Variants in GUSB observed in about 807,000 individuals in gnomAD.
The protein encoded by GUSB is beta-glucuronidase.
Under a neutral mutation model 74.6 loss-of-function variants are expected in GUSB, and 51 were observed. The observed-to-expected ratio is 0.68, with a 90% confidence interval of 0.55 to 0.86. The LOEUF (loss-of-function observed/expected upper bound fraction) is 0.86. Ranked by LOEUF, GUSB falls within the 40% of genes least tolerant of loss-of-function variation. GUSB has a pLI of 0.00. For synonymous variants in GUSB, 360 were observed against 348.3 expected (o/e 1.03, Z -0.37); for missense variants, 736 against 853.7 (o/e 0.86, Z 1.72).
chr7:65,961,812 G>A (rs138277283), intron 11 of GUSB, among the ~76,000 whole-genome samples: 2 of 152,236 alleles, frequency 1.3e-5, no homozygotes, highest in East Asian at 3.9e-4. Context: ...GACCAGCCTG[G>A]ACAATATGGT....
chr7:65,978,069 C>CA (rs2116007893), intron 4 of GUSB, among the ~76,000 whole-genome samples: 1 of 152,128 alleles, frequency 6.6e-6, no homozygotes, highest in Non-Finnish European at 1.5e-5. Context: ...CTTGGCCTCC[C>CA]AAAGTGCTGG....
chr7:65,962,904 G>A (rs1790594174), intron 11 of GUSB, among the ~76,000 whole-genome samples: 1 of 151,752 alleles, frequency 6.6e-6, no homozygotes, highest in South Asian at 2.1e-4. Flanking sequence ...TATTGCTCAA[G>A]CTGGAGTACA....
chr7:65,966,148 C>A (rs143366340), intron 10 of GUSB, among the ~76,000 whole-genome samples: 1 of 150,686 alleles, frequency 6.6e-6, no homozygotes, highest in Non-Finnish European at 1.5e-5. Flanking sequence ...CCAGCCTAGG[C>A]AACGAGAGCG....
intron 8 of GUSB, among the ~76,000 whole-genome samples, chr7:65,973,415 C>T (rs1203961346): frequency 2.0e-5 from 3 of 152,212 alleles, no homozygotes; most frequent in South Asian, 2.1e-4. Flanking sequence ...GGTGAAACCC[C>T]GTCTCTGCTA....
chr7:65,966,608 C>T (rs1209912844), intron 10 of GUSB, among the ~76,000 whole-genome samples: 1 of 152,024 alleles, frequency 6.6e-6, no homozygotes, highest in Non-Finnish European at 1.5e-5. Flanking sequence ...GCCTGATAGA[C>T]TCCATCTTTA....
chr7:65,981,919 C>A, intron 1 of GUSB, 55 bp downstream of exon 1: 1 of 1,484,548 alleles, frequency 6.7e-7, no homozygotes, highest in Non-Finnish European at 9.2e-7. Flanking sequence ...CCCGGGCTCC[C>A]CTACTCCCAC....
At chr7:65,971,404 C>A (rs1791200822) in intron 8 of GUSB, among the ~76,000 whole-genome samples, 1 of 152,122 alleles carries the variant, frequency 6.6e-6, no homozygotes, top group Non-Finnish European at 1.5e-5. Context: ...CCAGCCTGGG[C>A]AACATAGCAA....
chr7:65,980,373 A>G lies in GUSB; in HGVS notation c.247T>C (p.Phe83Leu). ...PTVDMPVPSS[F>L]NDISQDWRLR... ...CGCCAGTCCTGGCTGATGTCATTGA[A>G]GCTGGAGGGAACTGGCATGTCCACG... Residue 83 changes from phenylalanine to leucine, a missense_variant, in exon 2 of 12, where the codon TTC (phenylalanine) becomes CTC (leucine). Coordinates refer to ENST00000304895, the MANE Select transcript of GUSB (RefSeq NM_000181.4). 2 of 1,613,908 alleles carry G rather than the reference A, an allele frequency of 1.2e-6. No homozygotes were observed. Among genetic ancestry groups the G allele is most frequent in the African/African-American group, 1.3e-5 (1 of 75,040 alleles).
At chr7:65,971,450 C>T (rs1270736635) in intron 8 of GUSB, among the ~76,000 whole-genome samples, 1 of 151,842 alleles carries the variant, frequency 6.6e-6, no homozygotes, top group Admixed American at 6.6e-5. Flanking sequence ...AAATTAGGGG[C>T]GGGCATGGTG....
rs1440181779 is a variant in GUSB, at chr7:65,980,562, A to T, written c.211-153T>A. ...CAGATAACTTGCTGATGACAGGTCA[A>T]CTGCCAGGGCGATCTGTGCACCTGG... On this transcript the variant is annotated intron_variant, in intron 1 of 11. Coordinates refer to ENST00000304895, the MANE Select transcript of GUSB (RefSeq NM_000181.4). 21 of 722,892 alleles carry T rather than the reference A, an allele frequency of 2.9e-5. 1 individual carries two copies. In the East Asian group the frequency reaches 5.4e-4, roughly 19 times the overall value. 44.8% of individuals were successfully genotyped at this position (722,892 alleles called of 1,614,324 possible). A position where few individuals can be genotyped will look rare whatever the true frequency, so the allele number is the denominator to read the frequency against.
intron 8 of GUSB, among the ~76,000 whole-genome samples, chr7:65,972,593 C>G (rs971348417): frequency 5.3e-5 from 8 of 152,280 alleles, no homozygotes; most frequent in African/African-American, 1.7e-4. Context: ...ACCCCCTAGC[C>G]TCAAGTTCCA....
intron 2 of GUSB, 32 bp downstream of exon 2, chr7:65,980,192 C>T: frequency 8.5e-6 from 5 of 586,774 alleles, no homozygotes; most frequent in Admixed American, 2.3e-5. Flanking sequence ...CGTGCCCCCC[C>T]ACCCGCCCTG....
chr7:65,966,137 T>A (rs1790819856), intron 10 of GUSB, among the ~76,000 whole-genome samples: 1 of 151,130 alleles, frequency 6.6e-6, no homozygotes, highest in Non-Finnish European at 1.5e-5. Context: ...GCCACTGCAC[T>A]CCAGCCTAGG....
chr7:65,975,888 G>T, intron 5 of GUSB, 127 bp downstream of exon 5: 1 of 731,834 alleles, frequency 1.4e-6, no homozygotes, highest in Non-Finnish European at 2.3e-6. Context: ...TCCCACCAAG[G>T]GTGAGAAACA....
chr7:65,976,563 G>A (rs1244704463), intron 4 of GUSB, among the ~76,000 whole-genome samples: 7 of 151,810 alleles, frequency 4.6e-5, no homozygotes, highest in African/African-American at 1.7e-4. Context: ...GACCTCAGGT[G>A]ATCCACCCGC....
At chr7:65,980,670 A>C in intron 1 of GUSB, 2 of 517,054 alleles carry the variant, frequency 3.9e-6, no homozygotes, top group South Asian at 4.1e-5. Context: ...GCCACATCCC[A>C]GCCAGAGGCA....
At chr7:65,973,174 G>A (rs915680879) in intron 8 of GUSB, among the ~76,000 whole-genome samples, 4 of 152,258 alleles carry the variant, frequency 2.6e-5, no homozygotes, top group Middle Eastern at 6.8e-3. Flanking sequence ...CTAATTAGCC[G>A]GGCACGGTGG....
chr7:65,963,407 C>T (rs569761256), intron 11 of GUSB, among the ~76,000 whole-genome samples: 1 of 152,286 alleles, frequency 6.6e-6, no homozygotes, highest in African/African-American at 2.4e-5. Flanking sequence ...ACCATTACCA[C>T]ATGCTTCTCC....
intron 10 of GUSB, among the ~76,000 whole-genome samples, chr7:65,967,064 G>A (rs1376346947): frequency 6.6e-6 from 1 of 152,172 alleles, no homozygotes; most frequent in East Asian, 1.9e-4. Context: ...GAGGGGAGAA[G>A]GGGATGAAAA....
Sources: gnomAD v4.1 joint callset for allele counts (sites outside exome capture counted in the v4.1 genomes callset) on GRCh38, gnomAD v4.1.1 for gene constraint, MANE v1.5 for transcripts, NCBI Gene and HGNC (gene_info 2026-07-23, HGNC 2026-07-21) for gene names.